The following PCDHA2 variants were observed in gnomAD, a reference collection of about 807,000 sequenced individuals.
The protein encoded by PCDHA2 is protocadherin alpha-2.
Under a neutral mutation model 66.0 loss-of-function variants are expected in PCDHA2, and 58 were observed. The ratio of observed to expected loss-of-function variants is 0.88; its 90% CI spans 0.71 to 1.09. The LOEUF (loss-of-function observed/expected upper bound fraction) is 1.09, where lower values mean the gene tolerates loss of function less well. Ranked by LOEUF, PCDHA2 falls within the 50% of genes least tolerant of loss-of-function variation. PCDHA2 has a pLI of 0.00. For missense variants in PCDHA2, 1,267 were observed against 1,242.3 expected (o/e 1.02, Z -0.30); for synonymous variants, 634 against 554.0 (o/e 1.14, Z -2.03).
Position 140,849,995 on chromosome 5 carries a change from C to T in PCDHA2, c.2388+52643C>T, listed in dbSNP as rs2150462177. The T allele has an allele frequency of 2.5e-6, 4 of 1,597,088 alleles. 1 individual carries two copies. The highest frequency in any genetic ancestry group is 1.7e-6 in the Non-Finnish European group (2 of 1,167,812). ...ACTCGCTGGTGGAGCGGCGGTTGGG[C>T]GAGCGCTCGCTGTCGAGCTACGTGT... On this transcript the variant is annotated intron_variant, in intron 1 of 3. Transcript: ENST00000526136.
intron 1 of PCDHA2, chr5:140,926,634 T>C (rs2083423230): frequency 6.8e-6 from 3 of 438,778 alleles, no homozygotes; most frequent in Non-Finnish European, 1.2e-5. Context: ...GCTGCGCTCC[T>C]CAACACCCGG....
intron 1 of PCDHA2, chr5:140,834,165 C>T: frequency 1.8e-6 from 1 of 543,158 alleles, no homozygotes; most frequent in Non-Finnish European, 3.2e-6. Flanking sequence ...GTAATTCTTA[C>T]TTACATGATG....
At chr5:141,002,589 TC>T (rs1157810975) in intron 3 of PCDHA2, among the ~76,000 whole-genome samples, 1 of 152,140 alleles carries the variant, frequency 6.6e-6, no homozygotes, top group African/African-American at 2.4e-5. Context: ...TAGTCCTTAG[TC>T]CCCTCATCTA....
chr5:140,836,036 G>T, intron 1 of PCDHA2: 1 of 1,613,512 alleles, frequency 6.2e-7, no homozygotes, highest in Non-Finnish European at 8.5e-7. Context: ...ACGTGACGCT[G>T]CAGGTGTTCG....
intron 1 of PCDHA2, chr5:140,836,789 T>C (rs2150269874): frequency 4.9e-6 from 7 of 1,427,046 alleles, no homozygotes; most frequent in East Asian, 2.3e-5. Context: ...ATTAGTTCAA[T>C]TGGTCTCCTT....
intron 1 of PCDHA2, chr5:140,828,487 G>A: frequency 6.2e-7 from 1 of 1,614,226 alleles, no homozygotes; most frequent in Non-Finnish European, 8.5e-7. Flanking sequence ...ACCCGCCCTT[G>A]TTCCCGGTAG....
chr5:140,849,576 G>A (rs2150441030), intron 1 of PCDHA2: 3 of 1,598,698 alleles, frequency 1.9e-6, no homozygotes, highest in Non-Finnish European at 2.6e-6. Flanking sequence ...TCCTGTAAAA[G>A]AGGACGCACA....
rs890605582 is a variant in PCDHA2 at position 140,851,133 on chromosome 5, T to C, written c.2388+53781T>C. Reference sequence around the variant, plus strand: ...GAATCAATTTTATTTAAATTTGTGATTAAAGTGACATTGAATTTCTGATGC... The same window carrying C: ...GAATCAATTTTATTTAAATTTGTGACTAAAGTGACATTGAATTTCTGATGC... On this transcript the variant is annotated intron_variant, in intron 1 of 3. Transcript: ENST00000526136. 54 of 1,314,072 alleles carry C rather than the reference T, an allele frequency of 4.1e-5. 3 individuals carry two copies. Among genetic ancestry groups the C allele is most frequent in the Non-Finnish European group, 5.2e-5 (53 of 1,014,404 alleles). 81.4% of individuals were successfully genotyped at this position (1,314,072 alleles called of 1,614,324 possible). A position where few individuals can be genotyped will look rare whatever the true frequency, so the allele number is the denominator to read the frequency against.
chr5:141,001,849 T>C (rs889682000), intron 3 of PCDHA2, among the ~76,000 whole-genome samples: 5 of 151,704 alleles, frequency 3.3e-5, no homozygotes, highest in African/African-American at 7.3e-5. Context: ...GAGAGAGAGG[T>C]TGATTAAATT....
chr5:140,967,566 G>A, intron 1 of PCDHA2: 2 of 1,614,060 alleles, frequency 1.2e-6, no homozygotes, highest in South Asian at 2.2e-5. Context: ...GTCCAGCTAC[G>A]GGAGGACTCA....
intron 1 of PCDHA2, among the ~76,000 whole-genome samples, chr5:140,891,347 A>G (rs1554184792): frequency 6.6e-6 from 1 of 151,926 alleles, no homozygotes; most frequent in African/African-American, 2.4e-5. Context: ...ATTTTGGTGC[A>G]TCCATCACCT....
At chr5:140,822,048 G>C (rs2150113216) in intron 1 of PCDHA2, 20 of 1,614,228 alleles carry the variant, frequency 1.2e-5, no homozygotes, top group South Asian at 4.4e-5. Flanking sequence ...GGATCGACCG[G>C]GAGGAGCTGT....
At position 140,796,743 on chromosome 5, in the gene PCDHA2, G is replaced by T; in HGVS notation, c.1779G>T (p.Lys593Asn). The change falls in exon 1 of 4, where the codon AAG (lysine) becomes AAT (asparagine). Residue 593 changes from lysine to asparagine, a missense_variant. Lys to Asn is a moderately conservative substitution (Grantham distance 94). Transcript: ENST00000526136. ...TGGGTGCAGGGCACGTGGTGGCGAA[G>T]GTGCGCGCAGTGGACGCTGACTCAG... ...WSVGAGHVVAKVRAVDADSGY... is the reference protein window; with the variant it reads ...WSVGAGHVVANVRAVDADSGY... 1.9e-6 allele frequency: 3 copies of T among 1,614,148 alleles called. No homozygotes were observed. Among genetic ancestry groups the T allele is most frequent in the Admixed American group, 1.7e-5 (1 of 60,032 alleles).
chr5:140,842,894 C>T, intron 1 of PCDHA2: 1 of 1,594,372 alleles, frequency 6.3e-7, no homozygotes, highest in Non-Finnish European at 8.6e-7. Flanking sequence ...GCCGCTGGAC[C>T]ACGAGGAGCT....
chr5:140,922,786 G>A (rs1397049612), intron 1 of PCDHA2, among the ~76,000 whole-genome samples: 2 of 152,198 alleles, frequency 1.3e-5, no homozygotes, highest in African/African-American at 4.8e-5. Context: ...AGAGAAAACT[G>A]TAGCTTTGGA....
intron 1 of PCDHA2, among the ~76,000 whole-genome samples, chr5:140,962,145 G>A (rs1195781182): frequency 3.3e-5 from 5 of 152,074 alleles, no homozygotes; most frequent in Non-Finnish European, 7.4e-5. Flanking sequence ...AAAGTGCTGG[G>A]ATTACAGGCG....
intron 1 of PCDHA2, among the ~76,000 whole-genome samples, chr5:140,903,933 A>G (rs1348730153): frequency 1.3e-5 from 2 of 152,220 alleles, no homozygotes; most frequent in East Asian, 1.9e-4. Context: ...ATTGGATAAT[A>G]CCTCTTAAAT....
At chr5:140,999,855 G>A (rs1019104615) in intron 3 of PCDHA2, among the ~76,000 whole-genome samples, 8 of 152,094 alleles carry the variant, frequency 5.3e-5, no homozygotes, top group Admixed American at 2.6e-4. Context: ...TATCTCTTCC[G>A]CTCCAAGATT....
intron 1 of PCDHA2, chr5:140,797,622 C>G (rs943405736): frequency 6.2e-6 from 3 of 486,380 alleles, no homozygotes; most frequent in Non-Finnish European, 1.1e-5. Flanking sequence ...AACACCTCAG[C>G]AAAATTTGTA....
Sources: allele counts gnomAD v4.1 joint callset (sites outside exome capture counted in the v4.1 genomes callset), GRCh38; gene constraint gnomAD v4.1.1; transcripts MANE v1.5; gene names NCBI Gene and HGNC (gene_info 2026-07-23, HGNC 2026-07-21).